The following ERAP1 variants were observed in gnomAD, a reference collection of about 807,000 sequenced individuals.
The protein encoded by ERAP1 is adipocyte-derived leucine aminopeptidase.
In ERAP1, 86 loss-of-function variants were observed where a neutral mutation model predicts 103.7. The observed-to-expected ratio is 0.83, with a 90% CI of 0.70 to 0.99. The LOEUF is 0.99. Ranked by LOEUF, ERAP1 falls within the 50% of genes least tolerant of loss-of-function variation. The pLI, the probability that ERAP1 is intolerant of heterozygous loss-of-function variation, is 0.00. For missense variants in ERAP1, 1,009 were observed against 1,128.4 expected (o/e 0.89, Z 1.52); for synonymous variants, 398 against 402.4 (o/e 0.99, Z 0.13).
chr5:96,826,733 C>G, the ERAP1 span, among the ~76,000 whole-genome samples: 1 of 152,164 alleles, frequency 6.6e-6, no homozygotes, highest in East Asian at 1.9e-4. Context: ...CCCCTTAAAA[C>G]CATCTGAATT....
the ERAP1 span, among the ~76,000 whole-genome samples, chr5:96,920,685 CG>C: frequency 3.0e-4 from 45 of 152,316 alleles, no homozygotes; most frequent in Admixed American, 5.2e-4. Flanking sequence ...CATGTAACCA[CG>C]TATCACTATT....
At chr5:96,797,505 A>G (rs1466543226) in intron 3 of ERAP1, among the ~76,000 whole-genome samples, 196 bp from the exon 4 acceptor site, 2 of 152,154 alleles carry the variant, frequency 1.3e-5, no homozygotes, top group African/African-American at 4.8e-5. Flanking sequence ...TCTCTACAAA[A>G]AAAATACAAA....
the ERAP1 span, among the ~76,000 whole-genome samples, chr5:96,824,861 C>A: frequency 6.6e-6 from 1 of 152,110 alleles, no homozygotes; most frequent in Non-Finnish European, 1.5e-5. Context: ...CCAGCCTGGG[C>A]AACATGGCAA....
chr5:96,874,136 G>GAGAAGAA, the ERAP1 span, among the ~76,000 whole-genome samples: 4 of 118,784 alleles, frequency 3.4e-5, no homozygotes, highest in Non-Finnish European at 5.3e-5. Flanking sequence ...GAAAGAGAGA[G>GAGAAGAA]AGAAAGAAAG....
chr5:96,765,552 G>A (rs1380957170), intron 19 of ERAP1, among the ~76,000 whole-genome samples: 1 of 152,088 alleles, frequency 6.6e-6, no homozygotes, highest in East Asian at 1.9e-4. Context: ...CTGGGAGGTA[G>A]GTGTGGGGTA....
chr5:96,869,250 C>A, the ERAP1 span, among the ~76,000 whole-genome samples: 1 of 152,046 alleles, frequency 6.6e-6, no homozygotes, highest in Admixed American at 6.6e-5. Flanking sequence ...GTAAACTGTA[C>A]ATCATGGCCT....
Position 96,775,887 on chromosome 5 carries a change from C to G in ERAP1, c.*509G>C, listed in dbSNP as rs1453048067. ...AGGGCAAGAAAGCTTGATGACTTGG[C>G]CTTTACAAGTCAGCCCCTGGGCATG... is the stretch of plus-strand genomic sequence containing the variant. On this transcript the variant is annotated 3_prime_UTR_variant, in exon 19 of 19. Transcript: ENST00000443439. 4 of 891,274 alleles carry G rather than the reference C, an allele frequency of 4.5e-6. No individual in the cohort carries two copies. Among genetic ancestry groups the G allele is most frequent in the Non-Finnish European group, 5.4e-6 (4 of 740,632 alleles). 55.2% of individuals were successfully genotyped at this position (891,274 alleles called of 1,614,324 possible).
chr5:96,808,295 T>C (rs1170198190), upstream of ERAP1: 4 of 768,346 alleles, frequency 5.2e-6, no homozygotes, highest in African/African-American at 7.9e-5. Context: ...TTTTTTTTTT[T>C]TCACTGTTTA....
the ERAP1 span, chr5:96,876,499 C>T: frequency 1.3e-5 from 2 of 152,334 alleles, no homozygotes; most frequent in African/African-American, 4.8e-5. Context: ...AATTCCCCTT[C>T]AGTCAAATCT....
chr5:96,817,446 A>C, the ERAP1 span, among the ~76,000 whole-genome samples: 1 of 152,384 alleles, frequency 6.6e-6, no homozygotes, highest in East Asian at 1.9e-4. Context: ...AGAAAAAGAA[A>C]AATAACACAA....
At chr5:96,913,540 C>A in the ERAP1 span, 4 of 1,473,308 alleles carry the variant, frequency 2.7e-6, no homozygotes, top group East Asian at 2.4e-5. Flanking sequence ...AAATGTTTCT[C>A]AAAGCATATA....
At chr5:96,791,266 G>A (rs1776702849) in intron 8 of ERAP1, among the ~76,000 whole-genome samples, 1 of 152,190 alleles carries the variant, frequency 6.6e-6, no homozygotes. Context: ...AATGCCTCCA[G>A]TGGCACATGA....
chr5:96,929,367 T>A, the ERAP1 span, among the ~76,000 whole-genome samples: 2 of 152,216 alleles, frequency 1.3e-5, no homozygotes, highest in African/African-American at 4.8e-5. Context: ...ACTAGTAAAC[T>A]AATACACATG....
chr5:96,855,296 C>T, the ERAP1 span, among the ~76,000 whole-genome samples: 4 of 152,092 alleles, frequency 2.6e-5, no homozygotes, highest in Admixed American at 1.3e-4. Context: ...AAAACACTTT[C>T]GATTAATGAT....
intron 3 of ERAP1, among the ~76,000 whole-genome samples, chr5:96,799,111 C>G (rs989670658): frequency 1.3e-5 from 2 of 152,086 alleles, no homozygotes; most frequent in Admixed American, 6.5e-5. Context: ...GGTTATCCAC[C>G]TGCCTCAGCC....
the ERAP1 span, among the ~76,000 whole-genome samples, chr5:96,823,300 G>C: frequency 6.6e-6 from 1 of 152,128 alleles, no homozygotes; most frequent in African/African-American, 2.4e-5. Context: ...ACACCAGGAG[G>C]CATGGGTGAT....
At chr5:96,821,585 G>A in the ERAP1 span, among the ~76,000 whole-genome samples, 1 of 152,178 alleles carries the variant, frequency 6.6e-6, no homozygotes, top group Non-Finnish European at 1.5e-5. Flanking sequence ...CTGTGGTCAT[G>A]TCCTAGACCT....
At position 96,803,860 on chromosome 5, in the gene ERAP1, G is replaced by A; in HGVS notation, c.67C>T (p.Leu23Phe). ...CATGAAGGAGTGGACACAGTTAAGA[G>A]AGCCAACAGTGAGGAAAGTAGAAAT... is the stretch of plus-strand genomic sequence containing the variant. Reference protein sequence around the residue: ...MSFLLSSLLALLTVSTPSWCQ... With the variant: ...MSFLLSSLLAFLTVSTPSWCQ... The change falls in exon 2 of 19, where the codon CTC (leucine) becomes TTC (phenylalanine). Residue 23 changes from leucine to phenylalanine, a missense_variant. This residue lies in a region of ERAP1 where 392 missense variants were observed against 455.2 expected (regional missense o/e 0.86). Transcript: ENST00000443439. 6.2e-7 allele frequency: 1 copy of A among 1,613,766 alleles called. No homozygotes were observed. The highest frequency in any genetic ancestry group is 8.5e-7 in the Non-Finnish European group (1 of 1,180,028).
At chr5:96,854,575 T>C in the ERAP1 span, among the ~76,000 whole-genome samples, 1 of 152,086 alleles carries the variant, frequency 6.6e-6, no homozygotes, top group African/African-American at 2.4e-5. Flanking sequence ...TTTGGAAAAA[T>C]TGCACACTAA....
Sources: allele counts gnomAD v4.1 joint callset (sites outside exome capture counted in the v4.1 genomes callset), GRCh38; gene constraint gnomAD v4.1.1; regional missense constraint gnomAD v4.1.1; transcripts MANE v1.5; gene names NCBI Gene and HGNC (gene_info 2026-07-23, HGNC 2026-07-21).